Variants in CSGALNACT1 observed in about 807,000 individuals in gnomAD.
CSGALNACT1 encodes the protein beta4GalNAcT-1.
In CSGALNACT1, 52 loss-of-function variants were observed where a neutral mutation model predicts 51.0. The observed-to-expected ratio is 1.02, with a 90% CI of 0.82 to 1.29. The LOEUF is 1.29. Among genes scored for constraint, CSGALNACT1 ranks in the 50% most tolerant of loss-of-function variants. The pLI, the probability that CSGALNACT1 is intolerant of heterozygous loss-of-function variation, is 0.00. For missense variants in CSGALNACT1, 935 were observed against 679.2 expected, an observed-to-expected ratio of 1.38 and a Z score of -4.19; for synonymous variants, 341 against 254.4, an observed-to-expected ratio of 1.34 and a Z score of -3.24.
At chr8:19,599,604 G>C (rs986191199) in intron 2 of CSGALNACT1, among the ~76,000 whole-genome samples, 1 of 151,386 alleles carries the variant, frequency 6.6e-6, no homozygotes, top group African/African-American at 2.4e-5. Flanking sequence ...AGGAAAGAAG[G>C]AAAGAAAGAA....
At chr8:19,417,701 G>A (rs1244961461) in intron 8 of CSGALNACT1, among the ~76,000 whole-genome samples, 5 of 152,266 alleles carry the variant, frequency 3.3e-5, no homozygotes, top group Admixed American at 2.6e-4. Context: ...AAGAACAGAC[G>A]TCCCTCAGAT....
intron 1 of CSGALNACT1, among the ~76,000 whole-genome samples, chr8:19,701,153 G>GTTATTTTTT (rs1554812743): frequency 1.1e-5 from 1 of 93,280 alleles, no homozygotes; most frequent in Admixed American, 1.5e-4. Flanking sequence ...TCTATTATCC[G>GTTATTTTTT]TTTTTTTTTT....
intron 1 of CSGALNACT1, among the ~76,000 whole-genome samples, chr8:19,666,693 C>G (rs1293934220): frequency 6.8e-6 from 1 of 146,578 alleles, no homozygotes; most frequent in East Asian, 2.0e-4. Context: ...CCAAGACTGT[C>G]CCGGGAGAGA....
chr8:19,499,511 T>G (rs1274824158), intron 4 of CSGALNACT1, among the ~76,000 whole-genome samples: 1 of 152,110 alleles, frequency 6.6e-6, no homozygotes, highest in Non-Finnish European at 1.5e-5. Flanking sequence ...AACTAAACTG[T>G]TTTGAATAAG....
At chr8:19,412,325 A>C (rs1380011564) in intron 8 of CSGALNACT1, among the ~76,000 whole-genome samples, 1 of 152,174 alleles carries the variant, frequency 6.6e-6, no homozygotes, top group Non-Finnish European at 1.5e-5. Flanking sequence ...GATTCACGTG[A>C]CAGGGATGAT....
chr8:19,423,461 A>G (rs1585645607), intron 6 of CSGALNACT1, among the ~76,000 whole-genome samples: 1 of 152,152 alleles, frequency 6.6e-6, no homozygotes, highest in Non-Finnish European at 1.5e-5. Context: ...CTAATGCACA[A>G]GTTAATCTAG....
chr8:19,507,617 C>T (rs1317477274), intron 3 of CSGALNACT1, among the ~76,000 whole-genome samples: 1 of 150,590 alleles, frequency 6.6e-6, no homozygotes, highest in Non-Finnish European at 1.5e-5. Flanking sequence ...TGAAACCTTC[C>T]TAAATGCATC....
intron 3 of CSGALNACT1, among the ~76,000 whole-genome samples, chr8:19,522,413 T>G (rs1008908685): frequency 2.4e-4 from 36 of 152,298 alleles, no homozygotes; most frequent in Admixed American, 1.1e-3. Flanking sequence ...TCCATTTATT[T>G]TAAGAAAAGA....
chr8:19,409,769 C>T (rs530829092), intron 8 of CSGALNACT1, among the ~76,000 whole-genome samples: 29 of 152,216 alleles, frequency 1.9e-4, no homozygotes, highest in African/African-American at 5.5e-4. Flanking sequence ...TAATTAGAAA[C>T]GGTACATGAG....
intron 3 of CSGALNACT1, among the ~76,000 whole-genome samples, chr8:19,556,072 A>G (rs902716129): frequency 6.6e-6 from 1 of 152,192 alleles, no homozygotes. Flanking sequence ...TTGCATTAAC[A>G]AACAACATAA....
chr8:19,622,180 A>G (rs2053906289), intron 1 of CSGALNACT1, among the ~76,000 whole-genome samples: 1 of 152,212 alleles, frequency 6.6e-6, no homozygotes, highest in Non-Finnish European at 1.5e-5. Flanking sequence ...AAACTTCTCA[A>G]TGTCTTCCTC....
chr8:19,445,431 A>G (rs965962331), intron 5 of CSGALNACT1, among the ~76,000 whole-genome samples: 1 of 152,216 alleles, frequency 6.6e-6, no homozygotes, highest in African/African-American at 2.4e-5. Context: ...ATCCATTCAA[A>G]GAACTTCCTG....
At chr8:19,706,319 T>C (rs2062160871) in intron 1 of CSGALNACT1, among the ~76,000 whole-genome samples, 1 of 152,208 alleles carries the variant, frequency 6.6e-6, no homozygotes, top group Non-Finnish European at 1.5e-5. Flanking sequence ...TCAATCTGTA[T>C]CTGTATTGTC....
intron 1 of CSGALNACT1, among the ~76,000 whole-genome samples, chr8:19,700,675 C>A (rs73218623): frequency 0.015 from 2,224 of 152,234 alleles, 28 homozygotes; most frequent in South Asian, 0.045. Context: ...AATTGTCCTT[C>A]CTCTCTTGAA....
At chr8:19,468,329 G>A (rs775455929) in intron 4 of CSGALNACT1, among the ~76,000 whole-genome samples, 6 of 152,220 alleles carry the variant, frequency 3.9e-5, no homozygotes, top group Admixed American at 1.3e-4. Flanking sequence ...AGGCTGGAGT[G>A]CAACAGGCAG....
At chr8:19,727,924 A>G (rs1376319472) in intron 1 of CSGALNACT1, among the ~76,000 whole-genome samples, 4 of 152,178 alleles carry the variant, frequency 2.6e-5, no homozygotes, top group Non-Finnish European at 5.9e-5. Context: ...ATTTCCTTAA[A>G]CAACTAAAAT....
chr8:19,701,290 G>C (rs2061865431), intron 1 of CSGALNACT1, among the ~76,000 whole-genome samples: 1 of 151,388 alleles, frequency 6.6e-6, no homozygotes, highest in African/African-American at 2.4e-5. Context: ...TGGCTAGCTA[G>C]GATTACAGAT....
chr8:19,655,782 C>A (rs2058219923), intron 1 of CSGALNACT1, among the ~76,000 whole-genome samples: 1 of 151,900 alleles, frequency 6.6e-6, no homozygotes, highest in Admixed American at 6.6e-5. Context: ...ACTTATTGTA[C>A]AAAAATATTC....
In CSGALNACT1 at chr8:19,435,984, CT is replaced by C. The variant is rs2060311957; in HGVS notation, c.953+3845del. Among the ~76,000 whole-genome samples the C allele has an allele frequency of 3.3e-5, 5 of 152,222 alleles. No individual in the cohort carries two copies. The South Asian group carries it at 1.0e-3, about 32-fold the overall frequency. On this transcript the variant is annotated intron_variant, in intron 6 of 9. Transcript: ENST00000454498. ...ATATTTTCTATCCTATCCTACTTCA[CT>C]TTTTAAAAATTGGACATAAGCCACA...
Sources: gnomAD v4.1 joint callset for allele counts (sites outside exome capture counted in the v4.1 genomes callset) on GRCh38, gnomAD v4.1.1 for gene constraint, MANE v1.5 for transcripts, NCBI Gene and HGNC (gene_info 2026-07-23, HGNC 2026-07-21) for gene names.